SYNPO2: variants seen among roughly 807,000 people sequenced by gnomAD.
SYNPO2 encodes the protein synaptopodin-2.
A neutral mutation model predicts 85.0 loss-of-function variants in SYNPO2; 56 were observed. That is an observed-to-expected ratio of 0.66 (90% confidence interval 0.53 to 0.82). SYNPO2 has a LOEUF of 0.82. Ranked by LOEUF, SYNPO2 falls within the 40% of genes least tolerant of loss-of-function variation. The probability of loss-of-function intolerance (pLI) is 0.00; values close to 1 mark genes in which losing one functional copy is unlikely to be tolerated. For synonymous variants in SYNPO2, 602 were observed against 591.1 expected (o/e 1.02, Z -0.27); for missense variants, 1,575 against 1,534.2 (o/e 1.03, Z -0.44).
At chr4:119,004,752 T>C (rs921325192) in intron 1 of SYNPO2, among the ~76,000 whole-genome samples, 2 of 151,642 alleles carry the variant, frequency 1.3e-5, no homozygotes, top group Non-Finnish European at 2.9e-5. Context: ...AGTAATGGGA[T>C]GGCTGGGTCA....
intron 1 of SYNPO2, among the ~76,000 whole-genome samples, chr4:118,977,757 A>C (rs1735848768): frequency 6.6e-6 from 1 of 152,226 alleles, no homozygotes; most frequent in African/African-American, 2.4e-5. Context: ...AAATTTCTGC[A>C]TTATGTAGGC....
chr4:118,989,037 G>A (rs1253040195), intron 1 of SYNPO2, among the ~76,000 whole-genome samples: 1 of 152,164 alleles, frequency 6.6e-6, no homozygotes, highest in Non-Finnish European at 1.5e-5. Flanking sequence ...TAAAACAAGA[G>A]TCATTGAATT....
chr4:118,896,552 G>T (rs1345803143), intron 1 of SYNPO2, among the ~76,000 whole-genome samples: 1 of 152,132 alleles, frequency 6.6e-6, no homozygotes, highest in Admixed American at 6.5e-5. Flanking sequence ...CTCTTTTGAG[G>T]GATATTTCAT....
chr4:118,997,239 C>CAAAAAAAAAAAACA (rs1736641002), intron 1 of SYNPO2, among the ~76,000 whole-genome samples: 1 of 65,238 alleles, frequency 1.5e-5, no homozygotes, highest in Non-Finnish European at 2.9e-5. Context: ...GACTCCGTCT[C>CAAAAAAAAAAAACA]AAAAAAAAAA....
chr4:118,912,919 A>T (rs1226409880), intron 1 of SYNPO2, among the ~76,000 whole-genome samples: 1 of 152,234 alleles, frequency 6.6e-6, no homozygotes. Flanking sequence ...CACTGTAAGA[A>T]TTATTTTTTC....
Position 119,031,289 on chromosome 4 carries a change from G to A in SYNPO2, c.2514G>A (p.Gln838=). 1.2e-6 allele frequency: 2 copies of A among 1,614,182 alleles called. No homozygotes were observed. The highest frequency in any genetic ancestry group is 1.7e-6 in the Non-Finnish European group (2 of 1,180,038). The change falls in exon 4 of 5, where the codon CAG becomes CAA. Residue 838 remains glutamine, a synonymous_variant. Transcript: ENST00000307142. ...FKGPQAAVAS[Q]NYTPKPTVST... ...GACCACAAGCAGCAGTAGCCAGTCAGAATTACACACCCAAACCAACAGTTT... is the reference window on the plus strand; with the variant it reads ...GACCACAAGCAGCAGTAGCCAGTCAAAATTACACACCCAAACCAACAGTTT...
chr4:118,923,742 C>T (rs1307840245), intron 1 of SYNPO2, among the ~76,000 whole-genome samples: 1 of 152,048 alleles, frequency 6.6e-6, no homozygotes, highest in Admixed American at 6.6e-5. Flanking sequence ...CTGCAGAATA[C>T]AGATCTACTT....
At chr4:118,911,210 G>A (rs1363003696) in intron 1 of SYNPO2, among the ~76,000 whole-genome samples, 1 of 152,164 alleles carries the variant, frequency 6.6e-6, no homozygotes, top group African/African-American at 2.4e-5. Flanking sequence ...TAATTGGTAC[G>A]AGGAGGAAAT....
At chr4:119,044,171 C>T (rs556795322) in intron 4 of SYNPO2, among the ~76,000 whole-genome samples, 7 of 152,108 alleles carry the variant, frequency 4.6e-5, no homozygotes, top group Non-Finnish European at 7.4e-5. Context: ...AGAAATGTAA[C>T]TGGGATACTT....
At chr4:119,024,295 T>C (rs1411934551) in intron 2 of SYNPO2, among the ~76,000 whole-genome samples, 5 of 152,236 alleles carry the variant, frequency 3.3e-5, no homozygotes, top group Non-Finnish European at 7.3e-5. Flanking sequence ...GTACAATCCA[T>C]ACTGATTTTG....
At chr4:118,875,738 C>T (rs796406056) in intron 1 of SYNPO2, among the ~76,000 whole-genome samples, 26 of 152,320 alleles carry the variant, frequency 1.7e-4, no homozygotes, top group African/African-American at 5.1e-4. Flanking sequence ...TATTTCTCCT[C>T]CACTACCCAA....
chr4:118,877,041 A>G (rs1161964851), intron 1 of SYNPO2, among the ~76,000 whole-genome samples: 1 of 151,858 alleles, frequency 6.6e-6, no homozygotes, highest in Non-Finnish European at 1.5e-5. Flanking sequence ...CCTGGGTCCA[A>G]GCGACCCTCC....
chr4:119,054,878 G>A (rs183157835), intron 4 of SYNPO2, among the ~76,000 whole-genome samples: 1 of 152,254 alleles, frequency 6.6e-6, no homozygotes, highest in Admixed American at 6.5e-5. Context: ...TCTGCCTCCT[G>A]CCTCTATCAT....
At chr4:119,048,094 A>T (rs1738925600) in intron 4 of SYNPO2, among the ~76,000 whole-genome samples, 1 of 152,232 alleles carries the variant, frequency 6.6e-6, no homozygotes, top group South Asian at 2.1e-4. Flanking sequence ...CTGAATGCAA[A>T]TCATTTATTT....
chr4:118,888,869 A>AGGCGGCTGGGGC lies in SYNPO2; in HGVS notation c.-155_-144dup, dbSNP rs1033431719. 1.5e-4 allele frequency: 99 copies of AGGCGGCTGGGGC among 669,548 alleles called. No homozygotes were observed. Among genetic ancestry groups the AGGCGGCTGGGGC allele is most frequent in the Middle Eastern group, 8.1e-4 (2 of 2,464 alleles). 41.5% of individuals were successfully genotyped at this position (669,548 alleles called of 1,614,324 possible). On this transcript the variant is annotated 5_prime_UTR_variant, in exon 1 of 5. Coordinates refer to ENST00000307142, the MANE Select transcript of SYNPO2 (RefSeq NM_133477.3). The stretch of plus-strand genomic sequence containing the variant: ...CCCATTAGCCGCACAAATTCGCAGC[A>AGGCGGCTGGGGC]GGCGGCTGGGGCGGCGGCTGGGGCA...
intron 1 of SYNPO2, among the ~76,000 whole-genome samples, chr4:118,983,096 A>T (rs1222421460): frequency 6.6e-6 from 1 of 152,122 alleles, no homozygotes; most frequent in Non-Finnish European, 1.5e-5. Context: ...TGGAACACAG[A>T]GGTAATCTTG....
chr4:119,007,422 A>C (rs1035051562), intron 1 of SYNPO2, among the ~76,000 whole-genome samples: 3 of 150,482 alleles, frequency 2.0e-5, no homozygotes, highest in East Asian at 1.9e-4. Context: ...CAAAAAAAAA[A>C]CATAAAACAA....
intron 1 of SYNPO2, among the ~76,000 whole-genome samples, chr4:118,862,971 T>C (rs771453761): frequency 5.9e-5 from 9 of 152,018 alleles, no homozygotes; most frequent in Non-Finnish European, 1.3e-4. Flanking sequence ...CCACCTCACC[T>C]GGCTAATTTT....
At chr4:118,908,319 A>G (rs1248783755) in intron 1 of SYNPO2, among the ~76,000 whole-genome samples, 1 of 152,188 alleles carries the variant, frequency 6.6e-6, no homozygotes, top group Non-Finnish European at 1.5e-5. Context: ...TACTCATTAT[A>G]TTGGCCAATA....
Sources: allele counts gnomAD v4.1 joint callset (sites outside exome capture counted in the v4.1 genomes callset), GRCh38; gene constraint gnomAD v4.1.1; transcripts MANE v1.5; gene names NCBI Gene and HGNC (gene_info 2026-07-23, HGNC 2026-07-21).